INTS14: variants seen among roughly 807,000 people sequenced by gnomAD.
The protein encoded by INTS14 is integrator complex subunit 14, also known as UPF0464 protein C15orf44.
In INTS14, 27 loss-of-function variants were observed where a neutral mutation model predicts 56.9. That is an observed-to-expected ratio of 0.47 (90% confidence interval 0.35 to 0.65). The LOEUF is 0.65. Ranked by LOEUF, INTS14 falls within the 30% of genes least tolerant of loss-of-function variation. The probability of loss-of-function intolerance (pLI) is 0.00; values close to 1 mark genes in which losing one functional copy is unlikely to be tolerated. For synonymous variants in INTS14, 207 were observed against 236.2 expected, an observed-to-expected ratio of 0.88 and a Z score of 1.13; for missense variants, 517 against 632.2, an observed-to-expected ratio of 0.82 and a Z score of 1.95.
At position 65,598,883 on chromosome 15, in the gene INTS14, C is replaced by G. The variant is rs2073317959; in HGVS notation, c.594G>C (p.Gln198His). 1 of 1,613,008 alleles carries G rather than the reference C, an allele frequency of 6.2e-7. No homozygotes were observed. Among genetic ancestry groups the G allele is most frequent in the Non-Finnish European group, 8.5e-7 (1 of 1,179,202 alleles). ...AAGCATATACTCACCCAAACATAGA[C>G]TGTACATTCTTCAAGCACAGGGGGC... ...IDGPLCLKNV[Q>H]SMFGKLIDLA... is the part of the protein sequence containing the mutation. The change falls in exon 5 of 12, where the codon CAG becomes CAC. Residue 198 changes from glutamine to histidine, a missense_variant. Transcript: ENST00000313182.
At chr15:65,588,750 T>C (rs2072920161) in intron 9 of INTS14, among the ~76,000 whole-genome samples, 1 of 151,760 alleles carries the variant, frequency 6.6e-6, no homozygotes, top group Non-Finnish European at 1.5e-5. Context: ...AGGAACAGAA[T>C]TGGGAGTAGG....
chr15:65,611,068 C>A, intron 1 of INTS14, 30 bp downstream of exon 1: 1 of 1,535,668 alleles, frequency 6.5e-7, no homozygotes, highest in Non-Finnish European at 8.7e-7. Flanking sequence ...CAGCGAAAGG[C>A]AGTCCCGGGC....
intron 6 of INTS14, among the ~76,000 whole-genome samples, chr15:65,596,129 G>C (rs2073202318): frequency 6.6e-6 from 1 of 152,170 alleles, no homozygotes; most frequent in Admixed American, 6.5e-5. Flanking sequence ...TGTGTAGTCA[G>C]GGATGTTCAG....
At chr15:65,586,784 TCA>T (rs2072841438) in intron 9 of INTS14, 1 of 151,678 alleles carries the variant, frequency 6.6e-6, no homozygotes, top group Admixed American at 6.6e-5. Context: ...CAAACACAAA[TCA>T]CAAATATATG....
chr15:65,598,371 G>T lies in INTS14; in HGVS notation c.698C>A (p.Pro233His), dbSNP rs77371623. The T allele has an allele frequency of 1.2e-4, 193 of 1,614,082 alleles. No individual in the cohort carries two copies. The highest frequency in any genetic ancestry group is 1.6e-4 in the Non-Finnish European group (188 of 1,179,966). The change falls in exon 6 of 12, where the codon CCT (proline) becomes CAT (histidine). Residue 233 changes from proline (P) to histidine (H), a missense_variant. Transcript: ENST00000313182. ...ADVQVFPRPE[P>H]FVVDEEIDPI... ...ATCAATTTCTTCATCTACAACAAAA[G>T]GTTCTGGCCTGGGGAAGACTTGTAC...
At chr15:65,610,791 T>C (rs1051541486) in intron 1 of INTS14, 1 of 1,535,540 alleles carries the variant, frequency 6.5e-7, no homozygotes, top group Non-Finnish European at 8.7e-7. Context: ...GAGATGTATT[T>C]TTACCTTAAA....
chr15:65,583,377 C>T (rs975360650), intron 10 of INTS14, among the ~76,000 whole-genome samples: 1 of 152,102 alleles, frequency 6.6e-6, no homozygotes, highest in Non-Finnish European at 1.5e-5. Context: ...CTGATACATA[C>T]TACAACATGA....
At chr15:65,603,186 TG>T (rs1407465962) in intron 3 of INTS14, among the ~76,000 whole-genome samples, 2 of 152,244 alleles carry the variant, frequency 1.3e-5, no homozygotes, top group African/African-American at 4.8e-5. Context: ...GAAAAGAAAT[TG>T]ATCAAAAGGC....
At chr15:65,581,547 CAAAAAAAAAAAAAAAAA>C (rs57782914) in intron 11 of INTS14, among the ~76,000 whole-genome samples, 12 of 47,734 alleles carry the variant, frequency 2.5e-4, no homozygotes, top group African/African-American at 3.4e-4. Flanking sequence ...GACTCCATCT[CAAAAAAAAAAAAAAAAA>C]AAAAAAAAAA....
chr15:65,590,314 T>C (rs974382920), intron 9 of INTS14, among the ~76,000 whole-genome samples: 2 of 152,224 alleles, frequency 1.3e-5, no homozygotes, highest in African/African-American at 2.4e-5. Flanking sequence ...CCCTAAAATA[T>C]AGTTTCCTAA....
chr15:65,580,509 G>C (rs1055882748), intron 11 of INTS14, among the ~76,000 whole-genome samples: 1 of 152,158 alleles, frequency 6.6e-6, no homozygotes, highest in African/African-American at 2.4e-5. Flanking sequence ...CTTCAGTTTA[G>C]GGAGGGGCCT....
At chr15:65,607,811 C>T (rs900956822) in intron 1 of INTS14, among the ~76,000 whole-genome samples, 11 of 152,196 alleles carry the variant, frequency 7.2e-5, no homozygotes, top group African/African-American at 2.7e-4. Flanking sequence ...TATGTTGGTG[C>T]TATTTGACAA....
chr15:65,596,107 G>A (rs1031657182), intron 6 of INTS14, among the ~76,000 whole-genome samples: 1 of 152,166 alleles, frequency 6.6e-6, no homozygotes, highest in Non-Finnish European at 1.5e-5. Flanking sequence ...AAACTGAAAG[G>A]TCTAATCCCT....
intron 3 of INTS14, among the ~76,000 whole-genome samples, chr15:65,602,085 A>C (rs1257743692): frequency 6.6e-6 from 1 of 151,762 alleles, no homozygotes; most frequent in East Asian, 2.0e-4. Flanking sequence ...GTGGTAGTGC[A>C]CTTCTGTAGG....
chr15:65,595,024 T>C (rs888784799), intron 7 of INTS14, among the ~76,000 whole-genome samples: 1 of 152,220 alleles, frequency 6.6e-6, no homozygotes, highest in African/African-American at 2.4e-5. Flanking sequence ...TAGAGAAAGC[T>C]GATAAATATA....
In INTS14 at chr15:65,598,350, A is replaced by G. The variant is rs150997635; in HGVS notation, c.719T>C (p.Ile240Thr). The G allele has an allele frequency of 3.1e-6, 5 of 1,613,924 alleles. No individual in the cohort carries two copies. Among genetic ancestry groups the G allele is most frequent in the African/African-American group, 2.7e-5 (2 of 74,906 alleles). The change falls in exon 6 of 12, where the codon ATT (isoleucine) becomes ACT (threonine). Residue 240 changes from isoleucine to threonine, a missense_variant. Transcript: ENST00000313182. ...GTTAATGACTTTAGGGATAGGATCA[A>G]TTTCTTCATCTACAACAAAAGGTTC... is the stretch of plus-strand genomic sequence containing the variant. Reference protein sequence around the residue: ...RPEPFVVDEEIDPIPKVINTD... With the variant: ...RPEPFVVDEETDPIPKVINTD...
At chr15:65,587,360 G>A (rs1596239546) in intron 9 of INTS14, among the ~76,000 whole-genome samples, 1 of 151,310 alleles carries the variant, frequency 6.6e-6, no homozygotes, top group Admixed American at 6.6e-5. Context: ...GAAAAAAAAA[G>A]GAAACTGAGA....
intron 1 of INTS14, 87 bp downstream of exon 1, chr15:65,611,011 C>T (rs758459479): frequency 1.1e-4 from 161 of 1,522,914 alleles, no homozygotes; most frequent in Non-Finnish European, 1.3e-4. Flanking sequence ...AGCGCTGGCC[C>T]TGGGTTGTTC....
Position 65,607,257 on chromosome 15 carries a change from T to C in INTS14, c.124A>G (p.Met42Val), listed in dbSNP as rs778032965. The C allele has an allele frequency of 5.6e-6, 9 of 1,614,118 alleles. No homozygotes were observed. The highest frequency in any genetic ancestry group is 5.9e-6 in the Non-Finnish European group (7 of 1,180,054). Reference sequence around the variant, plus strand: ...AATTCAAGCTTGTAATTTGTGGCCATGTGCTCAAACAGCATCGTTAAACCA... The same window carrying C: ...AATTCAAGCTTGTAATTTGTGGCCACGTGCTCAAACAGCATCGTTAAACCA... ...AHGLTMLFEH[M>V]ATNYKLEFTA... is the part of the protein sequence containing the mutation. The change falls in exon 2 of 12, where the codon ATG becomes GTG. Residue 42 changes from methionine to valine, a missense_variant. Transcript: ENST00000313182.
Sources: allele counts gnomAD v4.1 joint callset (sites outside exome capture counted in the v4.1 genomes callset), GRCh38; gene constraint gnomAD v4.1.1; transcripts MANE v1.5; gene names NCBI Gene and HGNC (gene_info 2026-07-23, HGNC 2026-07-21).